The following DNAH3 variants were observed in gnomAD, a reference collection of about 807,000 sequenced individuals.
DNAH3 encodes the protein dynein axonemal heavy chain 3.
DNAH3 carries 332 observed loss-of-function variants against 432.5 expected under a neutral mutation model. That is an observed-to-expected ratio of 0.77 (90% confidence interval 0.70 to 0.84). DNAH3 has a LOEUF of 0.84. Ranked by LOEUF, DNAH3 falls within the 40% of genes least tolerant of loss-of-function variation. DNAH3 has a pLI of 0.00. For missense variants in DNAH3, 4,861 were observed against 5,114.0 expected (o/e 0.95, Z 1.51); for synonymous variants, 1,956 against 1,900.2 (o/e 1.03, Z -0.76).
intron 34 of DNAH3, among the ~76,000 whole-genome samples, chr16:21,037,128 G>A (rs1195540017): frequency 6.6e-6 from 1 of 152,112 alleles, no homozygotes; most frequent in Admixed American, 6.6e-5. Flanking sequence ...GGCCAACATG[G>A]TGAAAACCCG....
chr16:21,117,919 T>C (rs1402085886), intron 11 of DNAH3, among the ~76,000 whole-genome samples: 1 of 152,126 alleles, frequency 6.6e-6, no homozygotes, highest in Non-Finnish European at 1.5e-5. Flanking sequence ...AGACGTGGAT[T>C]CTAATTCTGA....
At chr16:21,016,131 A>C (rs773732958) in intron 41 of DNAH3, among the ~76,000 whole-genome samples, 97 of 152,184 alleles carry the variant, frequency 6.4e-4, no homozygotes, top group Non-Finnish European at 1.8e-4. Context: ...GATTTTGAAA[A>C]GGCAATACTC....
chr16:21,093,716 T>C (rs2091601011), intron 18 of DNAH3, among the ~76,000 whole-genome samples: 1 of 152,186 alleles, frequency 6.6e-6, no homozygotes, highest in Admixed American at 6.6e-5. Context: ...GTGGTATCAG[T>C]GAAAGGCTTG....
At chr16:21,150,179 C>A in intron 1 of DNAH3, 111 bp downstream of exon 2, 2 of 389,722 alleles carry the variant, frequency 5.1e-6, no homozygotes, top group Non-Finnish European at 9.7e-6. Flanking sequence ...GAGCCGAGAT[C>A]ACACCATTGC....
In DNAH3 at chr16:20,953,035, T is replaced by C. The variant is rs1269135936; in HGVS notation, c.11072-486A>G. Among the ~76,000 whole-genome samples the C allele has an allele frequency of 2.0e-5, 3 of 152,294 alleles. No homozygotes were observed. The East Asian group carries it at 5.8e-4, about 29-fold the overall frequency. On this transcript the variant is annotated intron_variant, in intron 55 of 61. Coordinates refer to ENST00000261383, the Ensembl canonical transcript of DNAH3. ...GTAATGATAAATGCCCATTGGGGGCTGAACAAGTGACATACATGTGTAAAC... is the reference window on the plus strand; with the variant it reads ...GTAATGATAAATGCCCATTGGGGGCCGAACAAGTGACATACATGTGTAAAC...
chr16:21,112,107 T>G lies in DNAH3; in HGVS notation c.1815-9A>C. 6.3e-7 allele frequency: 1 copy of G among 1,578,054 alleles called. No individual in the cohort carries two copies. Among genetic ancestry groups the G allele is most frequent in the Non-Finnish European group, 8.7e-7 (1 of 1,150,166 alleles). On this transcript the variant is annotated splice_polypyrimidine_tract_variant and intron_variant, in intron 12 of 61. Coordinates refer to ENST00000261383, the Ensembl canonical transcript of DNAH3. ...TGTAGACATTTAAATATCTTCCATA[T>G]TGAAGGGTGTGAAATCAAACACACA... is the stretch of plus-strand genomic sequence containing the variant.
chr16:21,080,189 C>T (rs571806350), intron 20 of DNAH3, among the ~76,000 whole-genome samples: 4 of 152,184 alleles, frequency 2.6e-5, no homozygotes, highest in Admixed American at 2.0e-4. Context: ...CCCAGCTACT[C>T]GGGAAGCTGA....
rs1232567068 is a variant in DNAH3 at position 21,098,609 on chromosome 16, C to T, written c.2520+7G>A. 1 of 1,608,540 alleles carries T rather than the reference C, an allele frequency of 6.2e-7. No individual in the cohort carries two copies. Among genetic ancestry groups the T allele is most frequent in the East Asian group, 2.2e-5 (1 of 44,840 alleles). ...GTGTCATAAGTCCCCATCTCAAGAT[C>T]CCAAACCTCAAACTCTGCAAACGCC... On this transcript the variant is annotated splice_region_variant and intron_variant, in intron 17 of 61. Coordinates refer to ENST00000261383, the Ensembl canonical transcript of DNAH3.
Position 20,952,416 on chromosome 16 carries a change from A to G in DNAH3, c.11188+17T>C, listed in dbSNP as rs775203165. 16 of 1,505,806 alleles carry G rather than the reference A, an allele frequency of 1.1e-5. No homozygotes were observed. The highest frequency in any genetic ancestry group is 1.4e-5 in the African/African-American group (1 of 71,810). The allele number at this position is 1,505,806 out of a possible 1,614,324, so 93.3% of individuals were successfully genotyped here. ...GATACTGGAGGTTTACAGTGGAAAA[A>G]CTCCTCCCGTAAATACCTGTCAGGT... On this transcript the variant is annotated intron_variant, in intron 56 of 61. Coordinates refer to ENST00000261383, the Ensembl canonical transcript of DNAH3.
intron 31 of DNAH3, among the ~76,000 whole-genome samples, chr16:21,048,210 C>T (rs1482362301): frequency 2.0e-5 from 3 of 152,264 alleles, no homozygotes; most frequent in African/African-American, 7.2e-5. Flanking sequence ...CCACCCAGTT[C>T]GAGCTTCCAG....
intron 58 of DNAH3, among the ~76,000 whole-genome samples, chr16:20,943,134 G>A (rs952767571): frequency 2.0e-5 from 3 of 151,938 alleles, no homozygotes; most frequent in African/African-American, 7.3e-5. Context: ...AGGCTGGAGT[G>A]CAGTGGCATG....
At chr16:21,069,133 C>T (rs552318319) in intron 23 of DNAH3, among the ~76,000 whole-genome samples, 3 of 151,732 alleles carry the variant, frequency 2.0e-5, no homozygotes, top group Non-Finnish European at 4.4e-5. Context: ...AGTAGAGATG[C>T]GGTGTTTCAC....
chr16:21,056,868 T>C (rs966726567), intron 27 of DNAH3, among the ~76,000 whole-genome samples: 8 of 152,148 alleles, frequency 5.3e-5, no homozygotes, highest in Admixed American at 1.3e-4. Flanking sequence ...AAGTTTGAAA[T>C]GATGTACGTG....
At chr16:20,999,528 G>C (rs1035091621) in intron 43 of DNAH3, among the ~76,000 whole-genome samples, 1 of 152,144 alleles carries the variant, frequency 6.6e-6, no homozygotes, top group Non-Finnish European at 1.5e-5. Flanking sequence ...TGCTAGATGA[G>C]AACGCTACGT....
At chr16:21,105,163 G>A (rs2152799628) in intron 15 of DNAH3, among the ~76,000 whole-genome samples, 1 of 152,230 alleles carries the variant, frequency 6.6e-6, no homozygotes. Context: ...GGGGTCGAGG[G>A]CACAGCTCGT....
intron 48 of DNAH3, among the ~76,000 whole-genome samples, chr16:20,983,405 C>A (rs1199029865): frequency 2.6e-5 from 4 of 152,128 alleles, no homozygotes; most frequent in African/African-American, 9.7e-5. Flanking sequence ...GGATTACAGG[C>A]GTGAGCCACC....
At chr16:20,998,387 C>T (rs1326237128) in intron 43 of DNAH3, among the ~76,000 whole-genome samples, 2 of 151,926 alleles carry the variant, frequency 1.3e-5, no homozygotes, top group Non-Finnish European at 2.9e-5. Flanking sequence ...CAAGTAGCTG[C>T]GACTACAGGT....
At position 20,965,331 on chromosome 16, in the gene DNAH3, G is replaced by A. The variant is rs779254684; in HGVS notation, c.8553C>T (p.Ile2851=). The change falls in exon 53 of 62, where the codon ATC becomes ATT. Residue 2851 remains isoleucine, a synonymous_variant. Transcript: ENST00000261383. ...GGATCCGCTTCATGGTCAGTGGGGG[G>A]ATGTTGTCTTTGTCATATGTCTTAA... 9 of 1,606,228 alleles carry A rather than the reference G, an allele frequency of 5.6e-6. No individual in the cohort carries two copies. In the Admixed American group the frequency reaches 6.8e-5, roughly 12 times the overall value.
chr16:21,104,062 CA>C lies in DNAH3; in HGVS notation c.2366+408del, dbSNP rs201542474. On this transcript the variant is annotated intron_variant, in intron 16 of 61. Coordinates refer to ENST00000261383, the Ensembl canonical transcript of DNAH3. ...CATTAGCTCTGAATAAGACCAGCTG[CA>C]AAATAGGCAATTTCTCAGCCCCCCT... 3.7e-4 allele frequency: 70 copies of C among 186,702 alleles called. 1 individual carries two copies. The East Asian group carries it at 6.2e-3, about 17-fold the overall frequency. 11.6% of individuals were successfully genotyped at this position (186,702 alleles called of 1,614,324 possible). A position where few individuals can be genotyped will look rare whatever the true frequency, so the allele number is the denominator to read the frequency against.
Sources: allele counts gnomAD v4.1 joint callset (sites outside exome capture counted in the v4.1 genomes callset), GRCh38; gene constraint gnomAD v4.1.1; transcripts MANE v1.5; gene names NCBI Gene and HGNC (gene_info 2026-07-23, HGNC 2026-07-21).